The following PCSK2 variants were observed in gnomAD, a reference collection of about 807,000 sequenced individuals.
The protein encoded by PCSK2 is neuroendocrine convertase 2.
PCSK2 carries 14 observed loss-of-function variants against 69.7 expected under a neutral mutation model. The ratio of observed to expected loss-of-function variants is 0.20; its 90% confidence interval spans 0.13 to 0.31. PCSK2 has a LOEUF of 0.31. PCSK2 is among the 10% of genes least tolerant of loss of function. The pLI is 1.00. For synonymous variants in PCSK2, 307 were observed against 320.7 expected (o/e 0.96, Z 0.46); for missense variants, 544 against 842.5 (o/e 0.65, Z 4.39).
At chr20:17,288,156 CT>C (rs1160513687) in intron 2 of PCSK2, among the ~76,000 whole-genome samples, 1 of 152,212 alleles carries the variant, frequency 6.6e-6, no homozygotes, top group Non-Finnish European at 1.5e-5. Flanking sequence ...ACGGACAACT[CT>C]GCTCTGAGGA....
At chr20:17,327,541 C>T (rs1407974143) in intron 2 of PCSK2, among the ~76,000 whole-genome samples, 1 of 152,154 alleles carries the variant, frequency 6.6e-6, no homozygotes, top group African/African-American at 2.4e-5. Flanking sequence ...GGAAGGAAGA[C>T]GCCCTCTGCC....
Position 17,347,864 on chromosome 20 carries a change from AGAG to A in PCSK2, c.283-10462_283-10460del, listed in dbSNP as rs1568612183. Among the ~76,000 whole-genome samples, 311 of 85,452 alleles carry A rather than the reference AGAG, an allele frequency of 3.6e-3. 22 individuals are homozygous for A. Among genetic ancestry groups the A allele is most frequent in the East Asian group, 0.018 (45 of 2,446 alleles). The allele number at this position is 85,452 out of a possible 152,430, so 56.1% of individuals were successfully genotyped here. A position where few individuals can be genotyped will look rare whatever the true frequency, so the allele number is the denominator to read the frequency against. On this transcript the variant is annotated intron_variant, in intron 2 of 11. Transcript: ENST00000262545. ...AGAAAGAAAGAAAGAAAGAAAGAGG[AGAG>A]AGAAAAAAGAAAGAAAGAAAGAAAG...
chr20:17,335,236 T>C lies in PCSK2; in HGVS notation c.283-23091T>C, dbSNP rs184575246. ...ACTCAACAGGGCTGGATGTCCAAGA[T>C]GTCCCATCACATGGCTACAGGCTGG... On this transcript the variant is annotated intron_variant, in intron 2 of 11. Coordinates refer to ENST00000262545, the MANE Select transcript of PCSK2 (RefSeq NM_002594.5). Among the ~76,000 whole-genome samples, 70 of 152,212 alleles carry C rather than the reference T, an allele frequency of 4.6e-4. No individual in the cohort carries two copies. In the East Asian group the frequency reaches 0.013, roughly 28 times the overall value.
intron 5 of PCSK2, among the ~76,000 whole-genome samples, chr20:17,408,744 G>A (rs751814572): frequency 2.6e-5 from 4 of 152,206 alleles, no homozygotes; most frequent in African/African-American, 9.6e-5. Flanking sequence ...TGTGGACAAC[G>A]TCAGGGCCTT....
At chr20:17,273,113 C>A (rs555166302) in intron 2 of PCSK2, among the ~76,000 whole-genome samples, 1 of 151,984 alleles carries the variant, frequency 6.6e-6, no homozygotes, top group South Asian at 2.1e-4. Context: ...CAAGTGTAGA[C>A]CAAACCAAAT....
At chr20:17,232,525 T>C (rs913711413) in intron 1 of PCSK2, among the ~76,000 whole-genome samples, 1 of 152,242 alleles carries the variant, frequency 6.6e-6, no homozygotes, top group Admixed American at 6.5e-5. Flanking sequence ...AAGTTTTTCT[T>C]TTGGGTTGTC....
At chr20:17,350,895 C>G (rs548082044) in intron 2 of PCSK2, among the ~76,000 whole-genome samples, 1 of 151,974 alleles carries the variant, frequency 6.6e-6, no homozygotes, top group Non-Finnish European at 1.5e-5. Context: ...CAAAAATTAG[C>G]CAGGCATGGT....
chr20:17,246,472 G>A (rs556031432), intron 1 of PCSK2, among the ~76,000 whole-genome samples: 3 of 152,156 alleles, frequency 2.0e-5, no homozygotes, highest in South Asian at 2.1e-4. Flanking sequence ...ATCAGTCTTC[G>A]ATAGTAAGTC....
chr20:17,252,132 C>A (rs1987005068), intron 1 of PCSK2, among the ~76,000 whole-genome samples: 1 of 152,160 alleles, frequency 6.6e-6, no homozygotes, highest in Non-Finnish European at 1.5e-5. Context: ...GCATCACTTC[C>A]ACCATACTCG....
At chr20:17,442,746 A>AT (rs1369631425) in intron 8 of PCSK2, among the ~76,000 whole-genome samples, 3 of 152,210 alleles carry the variant, frequency 2.0e-5, no homozygotes, top group Non-Finnish European at 2.9e-5. Flanking sequence ...GAAATTCAAC[A>AT]TGGAAATTGA....
intron 8 of PCSK2, among the ~76,000 whole-genome samples, chr20:17,439,016 T>C (rs2032543917): frequency 6.6e-6 from 1 of 152,124 alleles, no homozygotes; most frequent in Non-Finnish European, 1.5e-5. Context: ...AGGGAACACC[T>C]CCCACAAACA....
intron 11 of PCSK2, among the ~76,000 whole-genome samples, chr20:17,480,719 A>G (rs549282492): frequency 4.9e-4 from 74 of 152,320 alleles, no homozygotes; most frequent in Non-Finnish European, 8.1e-4. Context: ...AAGCCAATGA[A>G]GAGTGCATTA....
chr20:17,233,190 G>A (rs1053067630), intron 1 of PCSK2, among the ~76,000 whole-genome samples: 2 of 152,182 alleles, frequency 1.3e-5, no homozygotes, highest in East Asian at 3.8e-4. Context: ...AGATAGCACT[G>A]GAAACTTGGC....
chr20:17,308,819 C>G (rs1443759848), intron 2 of PCSK2, among the ~76,000 whole-genome samples: 1 of 152,092 alleles, frequency 6.6e-6, no homozygotes, highest in African/African-American at 2.4e-5. Context: ...CATGTGGTCT[C>G]CCATCTTCCA....
chr20:17,400,374 C>T (rs1202667784), intron 5 of PCSK2, among the ~76,000 whole-genome samples: 2 of 152,128 alleles, frequency 1.3e-5, no homozygotes, highest in Non-Finnish European at 2.9e-5. Context: ...CCTGCTCTGC[C>T]CTTCATCATC....
chr20:17,276,660 C>T (rs530908854), intron 2 of PCSK2, among the ~76,000 whole-genome samples: 8 of 152,054 alleles, frequency 5.3e-5, no homozygotes, highest in Non-Finnish European at 1.0e-4. Context: ...TTAATAATGG[C>T]CCTGTGATGC....
chr20:17,343,035 A>C (rs1009863332), intron 2 of PCSK2, among the ~76,000 whole-genome samples: 3 of 152,344 alleles, frequency 2.0e-5, no homozygotes, highest in Admixed American at 6.5e-5. Context: ...AAATGTACAG[A>C]AAGCTTAAAA....
intron 7 of PCSK2, among the ~76,000 whole-genome samples, chr20:17,433,814 C>CTCTCTCTCTCTCTCCCT (rs1555795288): frequency 1.4e-5 from 1 of 70,840 alleles, no homozygotes; most frequent in Non-Finnish European, 2.5e-5. Context: ...TCTCTCTCTC[C>CTCTCTCTCTCTCTCCCT]CCCCACTTCC....
At chr20:17,272,321 C>A (rs1052228938) in intron 2 of PCSK2, among the ~76,000 whole-genome samples, 9 of 152,050 alleles carry the variant, frequency 5.9e-5, no homozygotes, top group African/African-American at 2.2e-4. Flanking sequence ...CTTCTATTAG[C>A]ACATCTTAAA....
Sources: gnomAD v4.1 joint callset for allele counts (sites outside exome capture counted in the v4.1 genomes callset) on GRCh38, gnomAD v4.1.1 for gene constraint, MANE v1.5 for transcripts, NCBI Gene and HGNC (gene_info 2026-07-23, HGNC 2026-07-21) for gene names.